R3HDM2: variants seen among roughly 807,000 people sequenced by gnomAD.
R3HDM2 encodes the protein R3H domain containing 2, also known as R3H domain-containing protein 2.
R3HDM2 carries 38 observed loss-of-function variants against 124.5 expected under a neutral mutation model. The observed-to-expected ratio is 0.31, with a 90% CI of 0.24 to 0.40. R3HDM2 has a LOEUF of 0.40. Ranked by LOEUF, R3HDM2 falls within the 10% of genes least tolerant of loss-of-function variation. The pLI is 1.00. For missense variants in R3HDM2, 869 were observed against 1,236.9 expected (o/e 0.70, Z 4.46); for synonymous variants, 391 against 448.0 (o/e 0.87, Z 1.61).
chr12:57,327,517 A>G (rs947373265), intron 2 of R3HDM2, among the ~76,000 whole-genome samples: 1 of 152,126 alleles, frequency 6.6e-6, no homozygotes, highest in African/African-American at 2.4e-5. Context: ...GCTGCCATAG[A>G]TACTGATTCC....
Position 57,254,818 on chromosome 12 carries a change from T to G in R3HDM2, c.2928A>C (p.Lys976Asn). ...SVSRFKLRMA[K>N]KNYDLRILER... ...CCAGGATCCTCAGGTCATAGTTCTT[T>G]TTGGCCATTCGAAGTTTGAAGCGAC... is the stretch of plus-strand genomic sequence containing the variant. Residue 976 changes from lysine (K) to asparagine (N), a missense_variant, in exon 24 of 24, where the codon AAA becomes AAC. This residue lies in a region of R3HDM2 where 602 missense variants were observed against 789.2 expected (regional missense o/e 0.76). Transcript: ENST00000402412. 1 of 1,606,966 alleles carries G rather than the reference T, an allele frequency of 6.2e-7. No individual in the cohort carries two copies. Among genetic ancestry groups the G allele is most frequent in the South Asian group, 1.1e-5 (1 of 90,262 alleles).
At chr12:57,372,989 G>A (rs1056140438) in intron 2 of R3HDM2, among the ~76,000 whole-genome samples, 4 of 152,188 alleles carry the variant, frequency 2.6e-5, no homozygotes, top group East Asian at 1.9e-4. Flanking sequence ...TGGGAGGATC[G>A]CTTGAGGCCA....
At chr12:57,386,674 A>G (rs937081055) in intron 2 of R3HDM2, among the ~76,000 whole-genome samples, 4 of 152,234 alleles carry the variant, frequency 2.6e-5, no homozygotes, top group Non-Finnish European at 5.9e-5. Context: ...CAGGACTCGC[A>G]GGCAGCTCCA....
At chr12:57,339,374 A>G (rs1463192002) in intron 2 of R3HDM2, among the ~76,000 whole-genome samples, 1 of 152,096 alleles carries the variant, frequency 6.6e-6, no homozygotes, top group East Asian at 1.9e-4. Context: ...TTTGAATTCC[A>G]GGGGGCAAGC....
intron 2 of R3HDM2, among the ~76,000 whole-genome samples, chr12:57,387,247 G>A (rs372442071): frequency 6.6e-6 from 1 of 152,128 alleles, no homozygotes; most frequent in African/African-American, 2.4e-5. Context: ...AAATCTTGCT[G>A]CTGCTCACTC....
chr12:57,408,542 G>A (rs145232226), intron 1 of R3HDM2, among the ~76,000 whole-genome samples: 1,813 of 152,042 alleles, frequency 0.012, 33 homozygotes, highest in African/African-American at 0.041. Flanking sequence ...ACCAGCCTGG[G>A]CAACATGGTT....
chr12:57,279,935 A>G (rs2137873204), intron 14 of R3HDM2, among the ~76,000 whole-genome samples: 1 of 152,290 alleles, frequency 6.6e-6, no homozygotes, highest in Middle Eastern at 3.4e-3. Flanking sequence ...GCAAACCCCA[A>G]CACATAAATA....
At chr12:57,324,234 A>G (rs1055687576) in intron 2 of R3HDM2, among the ~76,000 whole-genome samples, 1 of 152,246 alleles carries the variant, frequency 6.6e-6, no homozygotes, top group African/African-American at 2.4e-5. Flanking sequence ...CCCAGGCTAG[A>G]GTGCAATGGC....
chr12:57,285,772 G>C (rs761207286), intron 12 of R3HDM2, among the ~76,000 whole-genome samples: 6 of 152,182 alleles, frequency 3.9e-5, no homozygotes, highest in Non-Finnish European at 8.8e-5. Flanking sequence ...AATTTTGCAA[G>C]ACAAGTCCTA....
At chr12:57,362,750 T>A (rs927162634) in intron 2 of R3HDM2, among the ~76,000 whole-genome samples, 3 of 152,230 alleles carry the variant, frequency 2.0e-5, no homozygotes, top group Admixed American at 6.5e-5. Context: ...AATTATCTTT[T>A]AAATTTTTTT....
At chr12:57,271,997 C>T (rs1001908455) in intron 14 of R3HDM2, among the ~76,000 whole-genome samples, 3 of 151,610 alleles carry the variant, frequency 2.0e-5, no homozygotes, top group African/African-American at 7.3e-5. Context: ...CAGGTTCAAG[C>T]GATTCTCCTG....
At chr12:57,414,790 A>C (rs1211341073) in intron 1 of R3HDM2, among the ~76,000 whole-genome samples, 1 of 151,742 alleles carries the variant, frequency 6.6e-6, no homozygotes, top group Non-Finnish European at 1.5e-5. Context: ...CCAACATCAC[A>C]CCACTGCACT....
intron 1 of R3HDM2, among the ~76,000 whole-genome samples, chr12:57,418,605 C>T (rs1431336286): frequency 1.3e-5 from 2 of 150,982 alleles, no homozygotes; most frequent in African/African-American, 2.4e-5. Context: ...GTCGTCCAGG[C>T]TGGAGTACAG....
Position 57,384,473 on chromosome 12 carries a change from A to G in R3HDM2, c.-36+11276T>C, listed in dbSNP as rs1181835206. Among the ~76,000 whole-genome samples the G allele has an allele frequency of 6.6e-5, 10 of 152,334 alleles. No individual in the cohort carries two copies. In the East Asian group the frequency reaches 1.9e-3, roughly 29 times the overall value. ...TTCCTCATCTATAAAACAGAATAAT[A>G]AGAGTACTTCTTTTGGAAGGCTGTA... is the stretch of plus-strand genomic sequence containing the variant. On this transcript the variant is annotated intron_variant, in intron 2 of 23. Transcript: ENST00000402412.
intron 2 of R3HDM2, among the ~76,000 whole-genome samples, chr12:57,347,273 TACATGCAC>T (rs1416841464): frequency 6.6e-6 from 1 of 152,046 alleles, no homozygotes; most frequent in South Asian, 2.1e-4. Flanking sequence ...TGTGTATATC[TACATGCAC>T]ACATGTGTAC....
chr12:57,409,723 A>G (rs2068850500), intron 1 of R3HDM2, among the ~76,000 whole-genome samples: 2 of 152,032 alleles, frequency 1.3e-5, no homozygotes, highest in East Asian at 3.9e-4. Flanking sequence ...TAATTGGTTT[A>G]TTCCTCTAAT....
intron 19 of R3HDM2, among the ~76,000 whole-genome samples, chr12:57,266,010 T>C (rs1454164377): frequency 6.6e-6 from 1 of 152,140 alleles, no homozygotes; most frequent in African/African-American, 2.4e-5. Flanking sequence ...TTTGCCAGGC[T>C]GGTCTTGAAC....
At chr12:57,424,132 AAAAAAAAGG>A (rs1361564179) in intron 1 of R3HDM2, among the ~76,000 whole-genome samples, 1 of 149,750 alleles carries the variant, frequency 6.7e-6, no homozygotes, top group Non-Finnish European at 1.5e-5. Flanking sequence ...AAAAAAAAAA[AAAAAAAAGG>A]AACAAAGAAA....
intron 2 of R3HDM2, among the ~76,000 whole-genome samples, chr12:57,377,344 G>A (rs2064227323): frequency 6.6e-6 from 1 of 151,898 alleles, no homozygotes; most frequent in Non-Finnish European, 1.5e-5. Context: ...AACCAATATA[G>A]CCAACTAGAG....
Sources: gnomAD v4.1 joint callset for allele counts (sites outside exome capture counted in the v4.1 genomes callset) on GRCh38, gnomAD v4.1.1 for gene constraint, gnomAD v4.1.1 regional missense constraint, MANE v1.5 for transcripts, NCBI Gene and HGNC (gene_info 2026-07-23, HGNC 2026-07-21) for gene names.